FOXP2: variants seen among roughly 807,000 people sequenced by gnomAD.
The protein encoded by FOXP2 is forkhead box protein P2.
In FOXP2, 12 loss-of-function variants were observed where a neutral mutation model predicts 115.8. The observed-to-expected ratio is 0.10, with a 90% CI of 0.07 to 0.17. FOXP2 has a LOEUF of 0.17. Among genes scored for constraint, FOXP2 ranks in the 10% least tolerant of loss-of-function variants. The pLI is 1.00. For missense variants in FOXP2, 629 were observed against 843.5 expected (o/e 0.75, Z 3.15); for synonymous variants, 328 against 297.7 (o/e 1.10, Z -1.05).
intron 2 of FOXP2, among the ~76,000 whole-genome samples, chr7:114,313,088 CAT>C (rs1797185307): frequency 6.6e-6 from 1 of 152,210 alleles, no homozygotes; most frequent in South Asian, 2.1e-4. Flanking sequence ...GGTGCAATCA[CAT>C]AGAGTCCAGA....
intron 3 of FOXP2, among the ~76,000 whole-genome samples, chr7:114,563,409 T>C (rs1230923718): frequency 6.6e-6 from 1 of 152,206 alleles, no homozygotes; most frequent in Admixed American, 6.5e-5. Flanking sequence ...GCCTACAACT[T>C]TTTTTGTTAA....
At chr7:114,212,847 A>G (rs1386338592) in intron 1 of FOXP2, among the ~76,000 whole-genome samples, 3 of 152,214 alleles carry the variant, frequency 2.0e-5, no homozygotes, top group Non-Finnish European at 4.4e-5. Flanking sequence ...TTTGAGCTGG[A>G]AAAGGCTGTG....
intron 1 of FOXP2, among the ~76,000 whole-genome samples, chr7:114,422,177 G>A (rs535824627): frequency 4.0e-4 from 61 of 151,736 alleles, no homozygotes; most frequent in Non-Finnish European, 8.4e-4. Context: ...TAATGCATAT[G>A]TTTGATTAAA....
intron 2 of FOXP2, among the ~76,000 whole-genome samples, chr7:114,337,059 A>G (rs749407309): frequency 2.6e-5 from 4 of 151,576 alleles, no homozygotes; most frequent in Non-Finnish European, 5.9e-5. Flanking sequence ...ATCCAAAAGA[A>G]TCTGCTGCTC....
chr7:114,285,510 G>A (rs560341742), intron 1 of FOXP2: 3 of 152,202 alleles, frequency 2.0e-5, no homozygotes, highest in South Asian at 4.1e-4. Flanking sequence ...TTACAGTAGA[G>A]GTGCCCATAG....
intron 1 of FOXP2, among the ~76,000 whole-genome samples, chr7:114,235,211 T>C (rs1794980265): frequency 6.6e-6 from 1 of 152,196 alleles, no homozygotes; most frequent in South Asian, 2.1e-4. Context: ...TTATCAATGT[T>C]TTTATACTGT....
At chr7:114,162,409 T>A (rs1179415502), upstream of FOXP2, among the ~76,000 whole-genome samples, 1 of 152,166 alleles carries the variant, frequency 6.6e-6, no homozygotes, top group African/African-American at 2.4e-5. Context: ...AAAATCTCAT[T>A]CCAGATTTCT....
rs376309639 is a variant in FOXP2 at position 114,568,433 on chromosome 7, TG to T, written c.258+33736del. Among the ~76,000 whole-genome samples, 122 of 146,930 alleles carry T rather than the reference TG, an allele frequency of 8.3e-4. 1 individual carries two copies. The highest frequency in any genetic ancestry group is 1.3e-3 in the African/African-American group (53 of 39,574). ...CTTCATGGTCTTGTGGGTTTTTTTTTGGGGGGGGGTTATTTTGTTTTGTTTT... is the reference window on the plus strand; with the variant it reads ...CTTCATGGTCTTGTGGGTTTTTTTTTGGGGGGGGTTATTTTGTTTTGTTTT... On this transcript the variant is annotated intron_variant, in intron 3 of 16. Coordinates refer to ENST00000350908, the MANE Select transcript of FOXP2 (RefSeq NM_014491.4).
At chr7:114,405,030 C>T (rs974370505) in intron 2 of FOXP2, among the ~76,000 whole-genome samples, 10 of 151,772 alleles carry the variant, frequency 6.6e-5, no homozygotes, top group African/African-American at 2.2e-4. Flanking sequence ...GATGTTGGCC[C>T]ATTTTACATT....
chr7:114,651,253 A>T (rs1475052877), intron 8 of FOXP2, among the ~76,000 whole-genome samples: 1 of 152,070 alleles, frequency 6.6e-6, no homozygotes, highest in Non-Finnish European at 1.5e-5. Context: ...TTTCACTTAT[A>T]TGCAATGATG....
chr7:114,323,901 T>A (rs1020032240), intron 2 of FOXP2, among the ~76,000 whole-genome samples: 4 of 151,956 alleles, frequency 2.6e-5, no homozygotes, highest in Admixed American at 2.0e-4. Flanking sequence ...AAACTAGAAG[T>A]TCTGTGTTAG....
rs1315440564 is a variant in FOXP2, at chr7:114,504,478, T to C, written c.169-30139T>C. The stretch of plus-strand genomic sequence containing the variant: ...CCACATTTAGCTGATGTTATTTCTG[T>C]TCCTTGGTGTCGACATTATAAATAG... On this transcript the variant is annotated intron_variant, in intron 2 of 16. Transcript: ENST00000350908. Among the ~76,000 whole-genome samples the C allele has an allele frequency of 2.0e-5, 3 of 151,678 alleles. No homozygotes were observed. In the East Asian group the frequency reaches 5.8e-4, roughly 29 times the overall value.
chr7:114,495,982 G>T (rs1797304254), intron 2 of FOXP2, among the ~76,000 whole-genome samples: 1 of 151,984 alleles, frequency 6.6e-6, no homozygotes, highest in South Asian at 2.1e-4. Flanking sequence ...CATAGAGCAG[G>T]TTTAGAGACT....
chr7:114,373,513 C>T (rs1007804252), intron 2 of FOXP2, among the ~76,000 whole-genome samples: 2 of 152,202 alleles, frequency 1.3e-5, no homozygotes, highest in Non-Finnish European at 2.9e-5. Flanking sequence ...TGCCTCCCTT[C>T]CTTTGAAAAA....
chr7:114,418,330 C>T (rs907406238), intron 1 of FOXP2, among the ~76,000 whole-genome samples: 8 of 151,832 alleles, frequency 5.3e-5, no homozygotes, highest in African/African-American at 1.9e-4. Flanking sequence ...CATAAATCAG[C>T]CCTCCAACAT....
At chr7:114,220,648 G>T (rs1398708850) in intron 1 of FOXP2, among the ~76,000 whole-genome samples, 1 of 152,100 alleles carries the variant, frequency 6.6e-6, no homozygotes, top group African/African-American at 2.4e-5. Flanking sequence ...CTTAGGAGAA[G>T]AGTGGAAGGG....
intron 16 of FOXP2, among the ~76,000 whole-genome samples, chr7:114,689,274 G>T (rs1437574441): frequency 1.3e-5 from 2 of 151,828 alleles, no homozygotes; most frequent in Non-Finnish European, 2.9e-5. Context: ...TCTGAAATTT[G>T]TTAGTATTTG....
At chr7:114,247,929 A>G (rs974555109) in intron 1 of FOXP2, among the ~76,000 whole-genome samples, 1 of 152,156 alleles carries the variant, frequency 6.6e-6, no homozygotes, top group African/African-American at 2.4e-5. Flanking sequence ...GCAGACACAC[A>G]CAGGCACAGA....
intron 2 of FOXP2, among the ~76,000 whole-genome samples, chr7:114,516,703 GT>G (rs559211733): frequency 0.024 from 3,521 of 145,132 alleles, 137 homozygotes; most frequent in African/African-American, 0.082. Flanking sequence ...TTTGTTTTTT[GT>G]TTTTTTTTTG....
Sources: allele counts gnomAD v4.1 joint callset (sites outside exome capture counted in the v4.1 genomes callset), GRCh38; gene constraint gnomAD v4.1.1; transcripts MANE v1.5; gene names NCBI Gene and HGNC (gene_info 2026-07-23, HGNC 2026-07-21).